Variants in BPTF observed in about 807,000 individuals in gnomAD.
The protein encoded by BPTF is nucleosome-remodeling factor subunit BPTF.
A neutral mutation model predicts 292.5 loss-of-function variants in BPTF; 18 were observed. The observed-to-expected ratio is 0.06, with a 90% CI of 0.04 to 0.09. BPTF has a LOEUF of 0.09. BPTF is among the 10% of genes least tolerant of loss of function. The probability of loss-of-function intolerance (pLI) is 1.00; values close to 1 mark genes in which losing one functional copy is unlikely to be tolerated. For synonymous variants in BPTF, 1,225 were observed against 1,251.9 expected (o/e 0.98, Z 0.45); for missense variants, 2,726 against 3,498.7 (o/e 0.78, Z 5.57).
chr17:67,962,476 TCA>T (rs1239311681), intron 24 of BPTF, among the ~76,000 whole-genome samples: 1 of 152,200 alleles, frequency 6.6e-6, no homozygotes, highest in Non-Finnish European at 1.5e-5. Context: ...CTCTCCACAA[TCA>T]CACATTTACA....
chr17:67,932,157 G>A (rs1268643486), intron 18 of BPTF, 138 bp downstream of exon 18: 2 of 707,050 alleles, frequency 2.8e-6, no homozygotes, highest in Non-Finnish European at 4.6e-6. Context: ...CTAATCCATT[G>A]TGAGCTCTAT....
At position 67,912,249 on chromosome 17, in the gene BPTF, G is replaced by A; in HGVS notation, c.4365G>A (p.Leu1455=). 1.2e-6 allele frequency: 2 copies of A among 1,611,100 alleles called. No homozygotes were observed. The highest frequency in any genetic ancestry group is 1.7e-6 in the Non-Finnish European group (2 of 1,178,642). The change falls in exon 11 of 28, where the codon TTG becomes TTA. Residue 1455 remains leucine, a synonymous_variant. Transcript: ENST00000306378. ...KIIPENDIKS[L]TVKESAIRPF... is the part of the protein sequence containing the mutation. Reference sequence around the variant, plus strand: ...TCCCTGAGAATGATATTAAATCATTGACTGTTAAAGAATCTGCTATAAGGC... The same window carrying A: ...TCCCTGAGAATGATATTAAATCATTAACTGTTAAAGAATCTGCTATAAGGC...
chr17:67,977,022 C>T (rs1344899576), intron 27 of BPTF, among the ~76,000 whole-genome samples: 1 of 152,024 alleles, frequency 6.6e-6, no homozygotes, highest in African/African-American at 2.4e-5. Flanking sequence ...ATCTATAAAA[C>T]AAGAATTAGA....
chr17:67,875,692 C>T (rs1248695603), intron 4 of BPTF: 1 of 1,605,814 alleles, frequency 6.2e-7, no homozygotes, highest in African/African-American at 1.3e-5. Context: ...CCCCCGATAG[C>T]AGCAACATGG....
chr17:67,925,991 A>ATT (rs2063843853), intron 15 of BPTF, among the ~76,000 whole-genome samples: 1 of 63,208 alleles, frequency 1.6e-5, no homozygotes. Context: ...CTAACATATT[A>ATT]CTTTTTTTTT....
chr17:67,975,531 T>C, intron 26 of BPTF: 1 of 413,952 alleles, frequency 2.4e-6, no homozygotes, highest in Non-Finnish European at 4.3e-6. Context: ...TCTGTGCAGT[T>C]ACCTGAAAGT....
At position 67,908,491 on chromosome 17, in the gene BPTF, C is replaced by CTT. The variant is rs34537462; in HGVS notation, c.2813-1073_2813-1072dup. ...CATTTGTTTCAGTTGTCACTGACCA[C>CTT]TTTTTTTTTTTTTTTTTTTGAGATG... On this transcript the variant is annotated intron_variant, in intron 9 of 27. Coordinates refer to ENST00000306378, the MANE Select transcript of BPTF (RefSeq NM_182641.4). 6.8e-3 allele frequency among the ~76,000 whole-genome samples: 665 copies of CTT among 97,568 alleles called. 11 individuals carry two copies. The highest frequency in any genetic ancestry group is 0.011 in the Non-Finnish European group (520 of 46,470). The allele number at this position is 97,568 out of a possible 152,430, so 64.0% of individuals were successfully genotyped here.
In BPTF at chr17:67,920,022, C is replaced by T. The variant is rs758887059; in HGVS notation, c.5436C>T (p.Ser1812=). 3.6e-5 allele frequency: 58 copies of T among 1,609,104 alleles called. No homozygotes were observed. Among genetic ancestry groups the T allele is most frequent in the East Asian group, 3.3e-4 (15 of 44,794 alleles). Residue 1812 remains serine (S), a synonymous_variant, in exon 13 of 28, where the codon TCC becomes TCT. Transcript: ENST00000306378. ...TGAATTAAATCACCATAGAAACATC[C>T]GAAACTGAAATCACAACAACAGAAA... is the stretch of plus-strand genomic sequence containing the variant. The part of the protein sequence containing the change: ...PGGGTTRTET[S]ETEITTTEII...
Position 67,884,409 on chromosome 17 carries a change from C to T in BPTF, c.1865-7435C>T, listed in dbSNP as rs567454010. On this transcript the variant is annotated intron_variant, in intron 4 of 27. Coordinates refer to ENST00000306378, the MANE Select transcript of BPTF (RefSeq NM_182641.4). ...GGGATTACAGGCATGAGCCACTACCCCTGGCCCCTCCCTTTTTTTTTTTTC... is the reference window on the plus strand; with the variant it reads ...GGGATTACAGGCATGAGCCACTACCTCTGGCCCCTCCCTTTTTTTTTTTTC... Among the ~76,000 whole-genome samples, 382 of 138,862 alleles carry T rather than the reference C, an allele frequency of 2.8e-3. 2 individuals are homozygous for T. Among genetic ancestry groups the T allele is most frequent in the Admixed American group, 8.5e-3 (120 of 14,104 alleles). The allele number at this position is 138,862 out of a possible 152,430, so 91.1% of individuals were successfully genotyped here. A position where few individuals can be genotyped will look rare whatever the true frequency, so the allele number is the denominator to read the frequency against.
rs377740180 is a variant in BPTF, at chr17:67,968,658, G to A, written c.8539+2002G>A. 5.6e-4 allele frequency among the ~76,000 whole-genome samples: 84 copies of A among 151,058 alleles called. 1 individual carries two copies. The East Asian group carries it at 0.013, about 23-fold the overall frequency. On this transcript the variant is annotated intron_variant, in intron 26 of 27. Coordinates refer to ENST00000306378, the MANE Select transcript of BPTF (RefSeq NM_182641.4). ...AAAAAATTAGCCGGGTGTGGTGGCG[G>A]GCACCTGTAGTCCCAGCTACTCAGG...
chr17:67,932,046 T>G (rs1216677838), intron 18 of BPTF, 27 bp downstream of exon 18: 1 of 1,577,740 alleles, frequency 6.3e-7, no homozygotes, highest in Non-Finnish European at 8.7e-7. Context: ...CATTATCATT[T>G]TACATCTCAA....
intron 23 of BPTF, among the ~76,000 whole-genome samples, chr17:67,952,146 T>A (rs565032741): frequency 6.6e-6 from 1 of 151,916 alleles, no homozygotes; most frequent in East Asian, 1.9e-4. Flanking sequence ...CCGTCTCTGC[T>A]AAAGCTTCAA....
chr17:67,923,011 T>C (rs777877355), intron 14 of BPTF, 21 bp downstream of exon 14: 2 of 1,590,822 alleles, frequency 1.3e-6, no homozygotes, highest in African/African-American at 1.4e-5. Flanking sequence ...GGTTAATACC[T>C]GGTCAGCTAT....
intron 1 of BPTF, among the ~76,000 whole-genome samples, chr17:67,850,840 T>G (rs1369493573): frequency 1.3e-5 from 2 of 152,214 alleles, no homozygotes; most frequent in African/African-American, 4.8e-5. Flanking sequence ...TATAAACATA[T>G]TAAATGCTCT....
intron 1 of BPTF, among the ~76,000 whole-genome samples, chr17:67,827,763 A>C (rs572173312): frequency 9.9e-5 from 15 of 152,248 alleles, no homozygotes; most frequent in African/African-American, 3.6e-4. Context: ...AGGTTGTCCT[A>C]ACATAACTGA....
chr17:67,933,190 G>A (rs1299484349), intron 18 of BPTF, among the ~76,000 whole-genome samples: 3 of 151,668 alleles, frequency 2.0e-5, no homozygotes, highest in East Asian at 1.9e-4. Context: ...CCCAGGAGGC[G>A]GAGGTTGCAG....
At chr17:67,958,273 A>G (rs1183584337) in intron 23 of BPTF, among the ~76,000 whole-genome samples, 1 of 152,064 alleles carries the variant, frequency 6.6e-6, no homozygotes, top group African/African-American at 2.4e-5. Flanking sequence ...TGAAGGGTAC[A>G]GTGAGCCAAG....
At chr17:67,885,785 A>G (rs1469804196) in intron 4 of BPTF, among the ~76,000 whole-genome samples, 2 of 152,210 alleles carry the variant, frequency 1.3e-5, no homozygotes, top group African/African-American at 4.8e-5. Flanking sequence ...TATCTGGCGC[A>G]CTGTAAGTTT....
chr17:67,917,774 A>G (rs1025671655), intron 11 of BPTF, among the ~76,000 whole-genome samples: 10 of 152,070 alleles, frequency 6.6e-5, no homozygotes, highest in African/African-American at 2.4e-4. Context: ...CTCGGATTAC[A>G]GGCATGCACC....
Sources: gnomAD v4.1 joint callset for allele counts (sites outside exome capture counted in the v4.1 genomes callset) on GRCh38, gnomAD v4.1.1 for gene constraint, MANE v1.5 for transcripts, NCBI Gene and HGNC (gene_info 2026-07-23, HGNC 2026-07-21) for gene names.